Variants in SHTN1 observed in about 807,000 individuals in gnomAD.
The protein encoded by SHTN1 is shootin 1.
A neutral mutation model predicts 83.1 loss-of-function variants in SHTN1; 42 were observed. That is an observed-to-expected ratio of 0.51 (90% CI 0.39 to 0.65). The LOEUF (loss-of-function observed/expected upper bound fraction) is 0.65. Among genes scored for constraint, SHTN1 ranks in the 30% least tolerant of loss-of-function variants. SHTN1 has a pLI of 0.00. For synonymous variants in SHTN1, 224 were observed against 247.7 expected, an observed-to-expected ratio of 0.90 and a Z score of 0.90; for missense variants, 622 against 737.8, an observed-to-expected ratio of 0.84 and a Z score of 1.82.
At position 116,940,536 on chromosome 10, in the gene SHTN1, A is replaced by G; in HGVS notation, c.788T>C (p.Leu263Ser). Residue 263 changes from leucine to serine, a missense_variant, in exon 9 of 17, where the codon TTG becomes TCG. Leu to Ser is a moderately radical substitution (Grantham distance 145). This residue lies in a region of SHTN1 where 383 missense variants were observed against 455.8 expected (regional missense o/e 0.84). Coordinates refer to ENST00000355371, the MANE Select transcript of SHTN1 (RefSeq NM_001127211.3). ...LQSSIPDQQL[L>S]KALDENAKLT... Reference sequence around the variant, plus strand: ...TTTTGCATTTTCGTCTAAAGCTTTCAAAAGCTGCTGATCAGGGATGGAGCT... The same window carrying G: ...TTTTGCATTTTCGTCTAAAGCTTTCGAAAGCTGCTGATCAGGGATGGAGCT... The G allele has an allele frequency of 6.2e-7, 1 of 1,614,104 alleles. No homozygotes were observed.
intron 2 of SHTN1, among the ~76,000 whole-genome samples, chr10:117,020,207 A>C (rs971708618): frequency 2.0e-5 from 3 of 152,018 alleles, no homozygotes; most frequent in Admixed American, 2.0e-4. Flanking sequence ...AATAGAGAGA[A>C]GTCCGGGCAC....
At chr10:117,003,308 G>A (rs188944999) in intron 1 of SHTN1, among the ~76,000 whole-genome samples, 1 of 149,416 alleles carries the variant, frequency 6.7e-6, no homozygotes, top group East Asian at 2.0e-4. Context: ...TTCAGATAAA[G>A]GCATTCTGTC....
At chr10:117,085,180 TCTA>T (rs1482359001) in intron 1 of SHTN1, among the ~76,000 whole-genome samples, 5 of 152,222 alleles carry the variant, frequency 3.3e-5, no homozygotes, top group African/African-American at 1.2e-4. Flanking sequence ...TTATTTTTCT[TCTA>T]CTTTCTTTGA....
rs75979622 is a variant in SHTN1 at position 116,899,823 on chromosome 10, G to T, written c.1673+1942C>A. 9.2e-5 allele frequency among the ~76,000 whole-genome samples: 14 copies of T among 152,286 alleles called. No individual in the cohort carries two copies. The East Asian group carries it at 2.7e-3, about 29-fold the overall frequency. ...TCTATAAAGTAAGAGAATGTGGTTA[G>T]TGTAACAGAGTACTTACTAATAAGT... On this transcript the variant is annotated intron_variant, in intron 16 of 16. Transcript: ENST00000355371.
intron 16 of SHTN1, among the ~76,000 whole-genome samples, chr10:116,887,249 G>C (rs1847193945): frequency 6.6e-6 from 1 of 152,172 alleles, no homozygotes; most frequent in African/African-American, 2.4e-5. Flanking sequence ...GTTTTCCACA[G>C]ACTCCTTCTC....
At chr10:116,976,320 G>A (rs199525397) in intron 2 of SHTN1, among the ~76,000 whole-genome samples, 1 of 152,166 alleles carries the variant, frequency 6.6e-6, no homozygotes, top group African/African-American at 2.4e-5. Flanking sequence ...AACAGGGCAG[G>A]AAAAGATCCT....
rs1318886521 is a variant in SHTN1, at chr10:116,881,737, G to A, written c.*4607C>T. ...TAGACCGGGAGGTCTGAAGTACGGC[G>A]CCGTGTCTCCACATGGAGTTTCCTC... On this transcript the variant is annotated 3_prime_UTR_variant, in exon 17 of 17. Coordinates refer to ENST00000355371, the MANE Select transcript of SHTN1 (RefSeq NM_001127211.3). 20 of 1,222,138 alleles carry A rather than the reference G, an allele frequency of 1.6e-5. No homozygotes were observed. The highest frequency in any genetic ancestry group is 1.1e-4 in the South Asian group (4 of 36,818). 75.7% of individuals were successfully genotyped at this position (1,222,138 alleles called of 1,614,324 possible).
chr10:116,995,671 G>A (rs571154630), intron 1 of SHTN1, among the ~76,000 whole-genome samples: 64 of 152,144 alleles, frequency 4.2e-4, no homozygotes, highest in African/African-American at 1.5e-3. Flanking sequence ...GGATACAATT[G>A]AAAATACTGG....
In SHTN1 at chr10:116,881,544, T is replaced by G. The variant is rs1223573865; in HGVS notation, c.*4800A>C. 1 of 1,547,344 alleles carries G rather than the reference T, an allele frequency of 6.5e-7. No individual in the cohort carries two copies. The highest frequency in any genetic ancestry group is 1.4e-5 in the African/African-American group (1 of 72,784). On this transcript the variant is annotated 3_prime_UTR_variant, in exon 17 of 17. Transcript: ENST00000355371. ...CAAAGAAGAACACACTTTTTTTTAC[T>G]TTAATGAGGAAGCTGAAAAGGCTGC...
upstream of SHTN1, among the ~76,000 whole-genome samples, chr10:117,006,079 C>G (rs1046855772): frequency 1.3e-5 from 2 of 152,174 alleles, no homozygotes; most frequent in African/African-American, 4.8e-5. Flanking sequence ...TCCCCAACCC[C>G]TAGTTGCGAG....
intron 11 of SHTN1, among the ~76,000 whole-genome samples, chr10:116,923,560 CTT>C (rs113330291): frequency 1.3e-4 from 18 of 143,642 alleles, no homozygotes; most frequent in Non-Finnish European, 7.7e-5. Flanking sequence ...CCTTTCTTTC[CTT>C]TTTTTTTTTT....
chr10:117,059,873 G>C (rs1280816674), intron 1 of SHTN1, among the ~76,000 whole-genome samples: 2 of 152,122 alleles, frequency 1.3e-5, no homozygotes, highest in Non-Finnish European at 2.9e-5. Context: ...ATTATCTTTT[G>C]CAACTGCAAG....
At chr10:117,118,810 A>G (rs1195455969) in intron 1 of SHTN1, among the ~76,000 whole-genome samples, 1 of 152,208 alleles carries the variant, frequency 6.6e-6, no homozygotes, top group Non-Finnish European at 1.5e-5. Flanking sequence ...GAGCATCAGG[A>G]AGAAGAGCTA....
chr10:117,025,007 G>A (rs1193001055), intron 2 of SHTN1, among the ~76,000 whole-genome samples: 1 of 152,132 alleles, frequency 6.6e-6, no homozygotes, highest in African/African-American at 2.4e-5. Flanking sequence ...GACTCGGATG[G>A]AGCAAGATGG....
intron 2 of SHTN1, among the ~76,000 whole-genome samples, chr10:117,041,680 A>T (rs143523988): frequency 1.2e-3 from 186 of 152,212 alleles, no homozygotes; most frequent in African/African-American, 4.3e-3. Flanking sequence ...AGCACTTGTA[A>T]TTTTCTCACA....
chr10:116,977,595 T>C (rs1330853730), intron 2 of SHTN1, among the ~76,000 whole-genome samples: 2 of 152,176 alleles, frequency 1.3e-5, no homozygotes, highest in Non-Finnish European at 1.5e-5. Flanking sequence ...ACATTTGTGA[T>C]TCTGCATGGT....
intron 11 of SHTN1, 67 bp downstream of exon 11, chr10:116,927,725 T>G (rs1446604754): frequency 2.1e-6 from 3 of 1,427,360 alleles, no homozygotes; most frequent in Non-Finnish European, 2.8e-6. Context: ...TTAAGATGAC[T>G]CCTCTTATGG....
intron 5 of SHTN1, among the ~76,000 whole-genome samples, chr10:116,952,957 A>G (rs1192821442): frequency 1.3e-5 from 2 of 152,226 alleles, no homozygotes; most frequent in African/African-American, 2.4e-5. Flanking sequence ...AAGCTCGAAC[A>G]GAAAGGAGAA....
chr10:116,949,094 T>G, intron 6 of SHTN1, 97 bp from the exon 7 acceptor site: 2 of 1,266,216 alleles, frequency 1.6e-6, no homozygotes, highest in Non-Finnish European at 1.0e-6. Context: ...ACTTTCAACA[T>G]GAAGTTACAA....
Sources: gnomAD v4.1 joint callset for allele counts (sites outside exome capture counted in the v4.1 genomes callset) on GRCh38, gnomAD v4.1.1 for gene constraint, gnomAD v4.1.1 regional missense constraint, MANE v1.5 for transcripts, NCBI Gene and HGNC (gene_info 2026-07-23, HGNC 2026-07-21) for gene names.